FAM107B: variants seen among roughly 807,000 people sequenced by gnomAD.
The protein encoded by FAM107B is protein FAM107B.
Under a neutral mutation model 31.5 loss-of-function variants are expected in FAM107B, and 21 were observed. The ratio of observed to expected loss-of-function variants is 0.67; its 90% CI spans 0.47 to 0.96. The LOEUF (loss-of-function observed/expected upper bound fraction) is 0.96. Ranked by LOEUF, FAM107B falls within the 40% of genes least tolerant of loss-of-function variation. The pLI, the probability that FAM107B is intolerant of heterozygous loss-of-function variation, is 0.00. For synonymous variants in FAM107B, 157 were observed against 141.5 expected (o/e 1.11, Z -0.78); for missense variants, 452 against 377.1 (o/e 1.20, Z -1.64).
intron 1 of FAM107B, among the ~76,000 whole-genome samples, chr10:14,773,850 C>G (rs929062578): frequency 6.6e-6 from 1 of 152,038 alleles, no homozygotes; most frequent in Non-Finnish European, 1.5e-5. Context: ...AATTCCCTAG[C>G]CAAACTTTTT....
At chr10:14,630,844 C>T (rs906725489) in intron 2 of FAM107B, among the ~76,000 whole-genome samples, 52 of 150,984 alleles carry the variant, frequency 3.4e-4, no homozygotes, top group Admixed American at 2.5e-3. Flanking sequence ...AGGGAGACCC[C>T]GTCTCAAAAA....
At chr10:14,760,920 G>A (rs973328143) in intron 1 of FAM107B, among the ~76,000 whole-genome samples, 4 of 149,702 alleles carry the variant, frequency 2.7e-5, no homozygotes, top group Non-Finnish European at 4.4e-5. Flanking sequence ...ACTGAGGCAG[G>A]AGAATCGCTT....
chr10:14,752,235 C>T (rs78710459), intron 1 of FAM107B, among the ~76,000 whole-genome samples: 2,451 of 152,278 alleles, frequency 0.016, 59 homozygotes, highest in African/African-American at 0.051. Context: ...GAAAAAGGGA[C>T]TCAACCAATC....
chr10:14,750,474 G>C (rs1832805452), intron 1 of FAM107B, among the ~76,000 whole-genome samples: 1 of 152,014 alleles, frequency 6.6e-6, no homozygotes, highest in Non-Finnish European at 1.5e-5. Context: ...TAGCTGGGCG[G>C]GATGGTGCAC....
rs759788163 is a variant in FAM107B at position 14,725,821 on chromosome 10, CTTTTTTTTTTT to C, written c.411+48421_411+48431del. ...TCTAGGGAGCAAAAGCAGTCAAATC[CTTTTTTTTTTT>C]TTTTTTTTTTGGAAATGGAGTCTTG... On this transcript the variant is annotated intron_variant, in intron 1 of 4. Transcript: ENST00000181796. Among the ~76,000 whole-genome samples, 27 of 94,310 alleles carry C rather than the reference CTTTTTTTTTTT, an allele frequency of 2.9e-4. No homozygotes were observed. In the East Asian group the frequency reaches 3.5e-3, roughly 12 times the overall value. 61.9% of individuals were successfully genotyped at this position (94,310 alleles called of 152,430 possible).
intron 2 of FAM107B, among the ~76,000 whole-genome samples, chr10:14,568,367 G>T (rs1361695079): frequency 1.3e-5 from 2 of 151,920 alleles, no homozygotes; most frequent in African/African-American, 2.4e-5. Context: ...TGATCCCAGG[G>T]TTAGACCAGG....
At chr10:14,736,833 A>G (rs980669345) in intron 1 of FAM107B, among the ~76,000 whole-genome samples, 37 of 152,220 alleles carry the variant, frequency 2.4e-4, no homozygotes, top group Non-Finnish European at 3.2e-4. Context: ...AATGACTGCA[A>G]TGTGAAATCA....
intron 2 of FAM107B, among the ~76,000 whole-genome samples, chr10:14,599,009 G>A (rs754488012): frequency 3.3e-5 from 5 of 152,212 alleles, no homozygotes; most frequent in Non-Finnish European, 5.9e-5. Context: ...GGCCCAGGCT[G>A]TGGCCAGGCA....
chr10:14,582,405 C>G (rs1851666751), intron 2 of FAM107B, among the ~76,000 whole-genome samples: 1 of 113,006 alleles, frequency 8.8e-6, no homozygotes, highest in Non-Finnish European at 1.7e-5. Flanking sequence ...GAGACAGAGT[C>G]TCACTCTGTT....
intron 2 of FAM107B, among the ~76,000 whole-genome samples, chr10:14,564,818 T>C (rs1268473585): frequency 6.6e-6 from 1 of 152,238 alleles, no homozygotes; most frequent in East Asian, 1.9e-4. Context: ...ACATTACAGA[T>C]ATTTCTAATA....
At chr10:14,724,082 T>C in intron 1 of FAM107B, 1 of 639,668 alleles carries the variant, frequency 1.6e-6, no homozygotes, top group Non-Finnish European at 2.8e-6. Flanking sequence ...TAAGTTATGA[T>C]GGGAATCCAG....
chr10:14,571,708 A>G (rs1457822211), intron 2 of FAM107B: 3 of 907,824 alleles, frequency 3.3e-6, no homozygotes, highest in Non-Finnish European at 4.0e-6. Flanking sequence ...AACATTTTCT[A>G]GAGAAGGACT....
intron 1 of FAM107B, among the ~76,000 whole-genome samples, chr10:14,756,212 A>C (rs1351440749): frequency 1.3e-5 from 2 of 152,182 alleles, no homozygotes; most frequent in African/African-American, 4.8e-5. Flanking sequence ...AATATTGTGA[A>C]TATTTCTGTG....
intron 3 of FAM107B, chr10:14,529,658 C>G (rs1285295022): frequency 6.6e-6 from 1 of 151,818 alleles, no homozygotes; most frequent in Non-Finnish European, 1.5e-5. Context: ...AAAAAAATAG[C>G]CTTTCATCCT....
chr10:14,638,206 C>T (rs1259568201), intron 2 of FAM107B, among the ~76,000 whole-genome samples: 1 of 151,816 alleles, frequency 6.6e-6, no homozygotes, highest in Non-Finnish European at 1.5e-5. Context: ...GTTTTTGGTC[C>T]CTGGGAATTT....
At chr10:14,711,706 T>G (rs147155271) in intron 1 of FAM107B, among the ~76,000 whole-genome samples, 1 of 152,068 alleles carries the variant, frequency 6.6e-6, no homozygotes, top group Non-Finnish European at 1.5e-5. Flanking sequence ...TGCAGTGGTG[T>G]GATCTCAGCT....
At chr10:14,636,088 C>T (rs1035552914) in intron 2 of FAM107B, among the ~76,000 whole-genome samples, 1 of 152,138 alleles carries the variant, frequency 6.6e-6, no homozygotes, top group South Asian at 2.1e-4. Flanking sequence ...AAACAACACA[C>T]TTTGAAATTC....
intron 2 of FAM107B, among the ~76,000 whole-genome samples, chr10:14,596,209 C>A (rs149971804): frequency 1.3e-5 from 2 of 151,854 alleles, no homozygotes; most frequent in Admixed American, 6.6e-5. Flanking sequence ...TTCTCCTCCT[C>A]GGAGGAGCCT....
intron 1 of FAM107B, among the ~76,000 whole-genome samples, chr10:14,741,889 G>A (rs1381414310): frequency 2.6e-5 from 4 of 151,578 alleles, no homozygotes; most frequent in Admixed American, 2.6e-4. Flanking sequence ...TGTATTTTTA[G>A]TAGAGACGGG....
Sources: allele counts gnomAD v4.1 joint callset (sites outside exome capture counted in the v4.1 genomes callset), GRCh38; gene constraint gnomAD v4.1.1; transcripts MANE v1.5; gene names NCBI Gene and HGNC (gene_info 2026-07-23, HGNC 2026-07-21).